Variants in EPG5 observed in about 807,000 individuals in gnomAD.
The protein encoded by EPG5 is ectopic P granules protein 5 homolog.
EPG5 carries 159 observed loss-of-function variants against 302.7 expected under a neutral mutation model. The ratio of observed to expected loss-of-function variants is 0.53; its 90% confidence interval spans 0.46 to 0.60. The LOEUF (loss-of-function observed/expected upper bound fraction) is 0.60. Ranked by LOEUF, EPG5 falls within the 20% of genes least tolerant of loss-of-function variation. The pLI is 0.00. For synonymous variants in EPG5, 1,158 were observed against 1,136.8 expected (o/e 1.02, Z -0.37); for missense variants, 2,896 against 3,092.4 (o/e 0.94, Z 1.51).
In EPG5 at chr18:45,955,190, T is replaced by C; in HGVS notation, c.212A>G (p.Asp71Gly). 1.2e-6 allele frequency: 2 copies of C among 1,614,204 alleles called. No individual in the cohort carries two copies. Among genetic ancestry groups the C allele is most frequent in the Non-Finnish European group, 1.7e-6 (2 of 1,180,034 alleles). Residue 71 changes from aspartate (D) to glycine (G), a missense_variant, in exon 2 of 44, where the codon GAT (aspartate) becomes GGT (glycine). Coordinates refer to ENST00000282041, the MANE Select transcript of EPG5 (RefSeq NM_020964.3). Reference protein sequence around the residue: ...KVVTDSQLQDDASGQNESEMF... With the variant: ...KVVTDSQLQDGASGQNESEMF... Reference sequence around the variant, plus strand: ...TTCACTCTCATTTTGTCCACTGGCATCATCCTGGAGCTGGGAATCAGTTAC... The same window carrying C: ...TTCACTCTCATTTTGTCCACTGGCACCATCCTGGAGCTGGGAATCAGTTAC...
intron 16 of EPG5, among the ~76,000 whole-genome samples, chr18:45,920,690 T>C (rs1209470873): frequency 6.6e-6 from 1 of 152,136 alleles, no homozygotes; most frequent in Non-Finnish European, 1.5e-5. Flanking sequence ...AACTCATTCA[T>C]TACTGAGAGG....
At chr18:45,854,609 C>T (rs570459368) in intron 43 of EPG5, among the ~76,000 whole-genome samples, 21 of 152,130 alleles carry the variant, frequency 1.4e-4, no homozygotes, top group Non-Finnish European at 2.2e-4. Flanking sequence ...CCTGTAATAC[C>T]AACACTTGGG....
chr18:45,922,868 T>C (rs2145762185), intron 15 of EPG5, among the ~76,000 whole-genome samples: 1 of 152,362 alleles, frequency 6.6e-6, no homozygotes, highest in East Asian at 1.9e-4. Context: ...AGTGTGCCGA[T>C]AAATAAGTTT....
At chr18:45,935,677 CA>C in intron 10 of EPG5, among the ~76,000 whole-genome samples, 1 of 152,304 alleles carries the variant, frequency 6.6e-6, no homozygotes, top group East Asian at 1.9e-4. Context: ...TGAGCACACA[CA>C]CAGGTACACG....
the EPG5 span, chr18:45,838,001 C>CAACG: frequency 7.5e-7 from 1 of 1,328,412 alleles, no homozygotes; most frequent in Non-Finnish European, 9.7e-7. Flanking sequence ...CCAGGAAGGG[C>CAACG]AACGAGACCC....
At chr18:45,942,432 G>A (rs556294380) in intron 9 of EPG5, among the ~76,000 whole-genome samples, 13 of 151,874 alleles carry the variant, frequency 8.6e-5, no homozygotes, top group Middle Eastern at 3.4e-3. Context: ...GTGAAACCCC[G>A]TCTCCACTAA....
intron 24 of EPG5, among the ~76,000 whole-genome samples, chr18:45,906,911 C>T (rs1391172550): frequency 6.6e-6 from 1 of 152,230 alleles, no homozygotes; most frequent in Admixed American, 6.5e-5. Context: ...CCACCTCGGC[C>T]TCCCAAAGTG....
Position 45,878,394 on chromosome 18 carries a change from AC to A in EPG5, c.5923del (p.Val1975PhefsTer2). The A allele has an allele frequency of 6.2e-7, 1 of 1,611,910 alleles. No homozygotes were observed. Among genetic ancestry groups the A allele is most frequent in the Non-Finnish European group, 8.5e-7 (1 of 1,178,572 alleles). On this transcript the variant is annotated frameshift_variant, in exon 34 of 44. Coordinates refer to ENST00000282041, the MANE Select transcript of EPG5 (RefSeq NM_020964.3). LOFTEE classifies it high-confidence loss of function. The part of the protein sequence containing the change: ...IIQLFKPWIL[V>X]LEDNESSQQR... ...TGTTTACCTTTCGTTGTCCTCTAAA[AC>A]CAGGATCCATGGCTTAAAGAGCTGA...
the EPG5 span, among the ~76,000 whole-genome samples, chr18:45,824,233 G>A: frequency 1.3e-5 from 2 of 152,106 alleles, no homozygotes; most frequent in Admixed American, 6.5e-5. Flanking sequence ...TTGAGACGGA[G>A]TCTCGCTCTG....
chr18:45,885,040 C>T (rs764982206), intron 29 of EPG5, among the ~76,000 whole-genome samples: 26 of 152,056 alleles, frequency 1.7e-4, no homozygotes, highest in Non-Finnish European at 3.5e-4. Flanking sequence ...ACAAGTCACA[C>T]AGAAAATGCT....
intron 34 of EPG5, among the ~76,000 whole-genome samples, chr18:45,877,494 G>A (rs897446467): frequency 1.3e-5 from 2 of 152,078 alleles, no homozygotes; most frequent in Non-Finnish European, 2.9e-5. Flanking sequence ...AATTCTTACT[G>A]GAAATAAACA....
At position 45,903,987 on chromosome 18, in the gene EPG5, G is replaced by T; in HGVS notation, c.4460C>A (p.Thr1487Asn). The change falls in exon 25 of 44, where the codon ACT (threonine) becomes AAT (asparagine). Residue 1487 changes from threonine to asparagine, a missense_variant. This residue lies in a region of EPG5 where 790 missense variants were observed against 798.0 expected (regional missense o/e 0.99). Transcript: ENST00000282041. The stretch of plus-strand genomic sequence containing the variant: ...CCAGGACCCACCCAGCAAAGGATCA[G>T]TGAAGTCCAGCTGCACGGACAAACT... ...PCSLSVQLDF[T>N]DPLLAKERVL... is the part of the protein sequence containing the mutation. The T allele has an allele frequency of 6.2e-7, 1 of 1,610,164 alleles. No homozygotes were observed. Among genetic ancestry groups the T allele is most frequent in the Non-Finnish European group, 8.5e-7 (1 of 1,179,296 alleles).
intron 2 of EPG5, chr18:45,953,679 T>A: frequency 1.0e-6 from 1 of 985,294 alleles, no homozygotes; most frequent in Non-Finnish European, 1.2e-6. Context: ...GTCTCCCCCT[T>A]CCTTTGGGGG....
intron 13 of EPG5, among the ~76,000 whole-genome samples, chr18:45,927,593 T>TACACATACACACAC (rs2050302697): frequency 7.5e-6 from 1 of 133,426 alleles, no homozygotes; most frequent in Non-Finnish European, 1.6e-5. Flanking sequence ...CAAAAAGTTA[T>TACACATACACACAC]ACACACACAC....
intron 34 of EPG5, among the ~76,000 whole-genome samples, chr18:45,876,710 G>A (rs186431788): frequency 0.011 from 1,599 of 148,080 alleles, 10 homozygotes; most frequent in Middle Eastern, 0.031. Context: ...TCTACTCAAA[G>A]CATTAAAAAA....
chr18:45,956,710 A>C (rs1568189844), intron 1 of EPG5, among the ~76,000 whole-genome samples: 1 of 152,106 alleles, frequency 6.6e-6, no homozygotes, highest in Non-Finnish European at 1.5e-5. Context: ...TGGGATTAAC[A>C]GGCGTGAGCC....
At chr18:45,813,393 TG>T in the EPG5 span, among the ~76,000 whole-genome samples, 1 of 152,218 alleles carries the variant, frequency 6.6e-6, no homozygotes, top group African/African-American at 2.4e-5. Flanking sequence ...AAACACCATT[TG>T]ACCCAGCCAT....
chr18:45,818,214 CAGTTGTCTATTAT>C, the EPG5 span, among the ~76,000 whole-genome samples: 1 of 152,064 alleles, frequency 6.6e-6, no homozygotes, highest in Non-Finnish European at 1.5e-5. Flanking sequence ...ATGTTGTTTA[CAGTTGTCTATTAT>C]AGCAAAACAA....
intron 14 of EPG5, among the ~76,000 whole-genome samples, chr18:45,924,387 G>A (rs371139380): frequency 9.8e-5 from 15 of 152,336 alleles, no homozygotes; most frequent in Non-Finnish European, 1.6e-4. Context: ...GGGCCCAGAT[G>A]AATCTATGGG....
Sources: gnomAD v4.1 joint callset for allele counts (sites outside exome capture counted in the v4.1 genomes callset) on GRCh38, gnomAD v4.1.1 for gene constraint, gnomAD v4.1.1 regional missense constraint, MANE v1.5 for transcripts, NCBI Gene and HGNC (gene_info 2026-07-23, HGNC 2026-07-21) for gene names.